Variants in PJA2 observed in about 807,000 individuals in gnomAD.
The protein encoded by PJA2 is E3 ubiquitin-protein ligase Praja-2.
PJA2 carries 25 observed loss-of-function variants against 69.3 expected under a neutral mutation model. The observed-to-expected ratio is 0.36, with a 90% CI of 0.26 to 0.50. PJA2 has a LOEUF of 0.50. Among genes scored for constraint, PJA2 ranks in the 20% least tolerant of loss-of-function variants. PJA2 has a pLI of 0.96. For synonymous variants in PJA2, 308 were observed against 277.8 expected (o/e 1.11, Z -1.08); for missense variants, 809 against 830.2 (o/e 0.97, Z 0.31).
At chr5:109,383,344 C>A in intron 2 of PJA2, 59 bp downstream of exon 2, 1 of 1,488,342 alleles carries the variant, frequency 6.7e-7, no homozygotes, top group South Asian at 1.1e-5. Flanking sequence ...TACTGGTACT[C>A]AAGGTACCCA....
intron 2 of PJA2, 151 bp downstream of exon 2, chr5:109,383,252 A>T: frequency 1.8e-6 from 1 of 566,950 alleles, no homozygotes; most frequent in Non-Finnish European, 3.0e-6. Context: ...CAAAAATTAG[A>T]AACTAAGCTT....
chr5:109,352,873 TATTAG>T (rs1762279932), intron 7 of PJA2, among the ~76,000 whole-genome samples: 1 of 150,182 alleles, frequency 6.7e-6, no homozygotes, highest in Admixed American at 6.7e-5. Context: ...GACATCTATA[TATTAG>T]ATATCTATAT....
At chr5:109,383,758 G>A (rs912607913) in intron 1 of PJA2, among the ~76,000 whole-genome samples, 2 of 152,022 alleles carry the variant, frequency 1.3e-5, no homozygotes, top group African/African-American at 4.8e-5. Context: ...CATGGTGAAA[G>A]TCTGTCTCTG....
In PJA2 at chr5:109,356,750, C is replaced by T. The variant is rs1004492343; in HGVS notation, c.1653-724G>A. ...TGGATTTTAAAATATTTTATTATTT[C>T]AAGCCTTTCTCATTAATCTGTCTTC... On this transcript the variant is annotated intron_variant, in intron 6 of 9. Coordinates refer to ENST00000361189, the MANE Select transcript of PJA2 (RefSeq NM_014819.5). Among the ~76,000 whole-genome samples, 12 of 151,874 alleles carry T rather than the reference C, an allele frequency of 7.9e-5. No homozygotes were observed. In the East Asian group the frequency reaches 1.3e-3, roughly 17 times the overall value.
At chr5:109,362,324 T>C (rs1319740078) in intron 6 of PJA2, among the ~76,000 whole-genome samples, 1 of 152,228 alleles carries the variant, frequency 6.6e-6, no homozygotes, top group Non-Finnish European at 1.5e-5. Flanking sequence ...GTTACTTTCA[T>C]TTGAAGCTGA....
At chr5:109,378,125 C>T (rs1746935122) in intron 4 of PJA2, 79 bp downstream of exon 4, 2 of 1,001,912 alleles carry the variant, frequency 2.0e-6, no homozygotes, top group Admixed American at 2.4e-5. Context: ...TATCAAATAG[C>T]CCAGCCATCA....
chr5:109,342,846 C>A (rs750916077), intron 9 of PJA2, among the ~76,000 whole-genome samples: 1 of 48,730 alleles, frequency 2.1e-5, no homozygotes, highest in Admixed American at 1.5e-4. Context: ...GTCAGCCCCC[C>A]GCCCGGCCAG....
At chr5:109,345,497 G>C (rs1008073124) in intron 7 of PJA2, among the ~76,000 whole-genome samples, 3 of 132,584 alleles carry the variant, frequency 2.3e-5, no homozygotes, top group African/African-American at 8.8e-5. Flanking sequence ...CTGGGTGACA[G>C]AGCGAGACTC....
At chr5:109,366,068 G>T (rs1186808312) in intron 5 of PJA2, among the ~76,000 whole-genome samples, 1 of 151,678 alleles carries the variant, frequency 6.6e-6, no homozygotes, top group Non-Finnish European at 1.5e-5. Context: ...CTTTTTTTGG[G>T]CTAGATTTAA....
rs1747050413 is a variant in PJA2 at position 109,381,630 on chromosome 5, T to C, written c.105A>G (p.Arg35=). 1.2e-6 allele frequency: 2 copies of C among 1,613,880 alleles called. No homozygotes were observed. Among genetic ancestry groups the C allele is most frequent in the Admixed American group, 1.7e-5 (1 of 59,960 alleles). The change falls in exon 3 of 10, where the codon AGA becomes AGG. Residue 35 remains arginine (R), a synonymous_variant. Coordinates refer to ENST00000361189, the MANE Select transcript of PJA2 (RefSeq NM_014819.5). The stretch of plus-strand genomic sequence containing the variant: ...TGACATAAGCATGTCTTCTTCCATA[T>C]CTCCTGCCTGTAATTGTCTGATACC... ...AGGYQTITGR[R]YGRRHAYVSF... is the part of the protein sequence containing the mutation.
intron 9 of PJA2, among the ~76,000 whole-genome samples, chr5:109,340,584 TA>T (rs1322088250): frequency 7.0e-6 from 1 of 143,492 alleles, no homozygotes; most frequent in African/African-American, 2.6e-5. Context: ...TTCCTTTATT[TA>T]AATAATTCAA....
At chr5:109,398,389 A>G (rs930555082) in intron 1 of PJA2, among the ~76,000 whole-genome samples, 5 of 152,146 alleles carry the variant, frequency 3.3e-5, no homozygotes, top group Non-Finnish European at 5.9e-5. Context: ...ATGTCCATCA[A>G]TGATAGACTG....
chr5:109,377,656 T>C (rs1746924070), intron 4 of PJA2, among the ~76,000 whole-genome samples: 1 of 152,108 alleles, frequency 6.6e-6, no homozygotes, highest in Non-Finnish European at 1.5e-5. Context: ...AGTTTCCTTA[T>C]TTACAAATGA....
chr5:109,394,263 A>C (rs946344529), intron 1 of PJA2, among the ~76,000 whole-genome samples: 1 of 151,656 alleles, frequency 6.6e-6, no homozygotes, highest in Non-Finnish European at 1.5e-5. Context: ...GGCCAGGCTG[A>C]TCTCAAACTC....
chr5:109,374,694 C>A (rs1203331602), intron 4 of PJA2, among the ~76,000 whole-genome samples: 2 of 152,072 alleles, frequency 1.3e-5, no homozygotes, highest in South Asian at 4.1e-4. Flanking sequence ...AACATTTTAC[C>A]TTAAGTAAGG....
intron 1 of PJA2, among the ~76,000 whole-genome samples, chr5:109,404,153 A>C (rs891749527): frequency 5.3e-5 from 8 of 152,108 alleles, no homozygotes; most frequent in Non-Finnish European, 1.0e-4. Context: ...AATATGATAA[A>C]AGGCCACTTG....
intron 1 of PJA2, among the ~76,000 whole-genome samples, chr5:109,401,409 AAGCTTGTAC>A (rs1747543530): frequency 6.6e-6 from 1 of 152,084 alleles, no homozygotes; most frequent in Non-Finnish European, 1.5e-5. Context: ...ATAGTGAGAC[AAGCTTGTAC>A]CACTGCACTC....
At chr5:109,364,801 C>T (rs1762560806) in intron 5 of PJA2, among the ~76,000 whole-genome samples, 1 of 150,938 alleles carries the variant, frequency 6.6e-6, no homozygotes, top group East Asian at 1.9e-4. Context: ...AGAAAAACAT[C>T]AATATATATC....
chr5:109,377,291 C>T (rs1746914928), intron 4 of PJA2, among the ~76,000 whole-genome samples: 1 of 151,870 alleles, frequency 6.6e-6, no homozygotes, highest in Non-Finnish European at 1.5e-5. Flanking sequence ...AAAAAAACCA[C>T]ACAATTATTT....
Sources: allele counts gnomAD v4.1 joint callset (sites outside exome capture counted in the v4.1 genomes callset), GRCh38; gene constraint gnomAD v4.1.1; transcripts MANE v1.5; gene names NCBI Gene and HGNC (gene_info 2026-07-23, HGNC 2026-07-21).